Variants in AMIGO1 observed in about 807,000 individuals in gnomAD.
AMIGO1 encodes the protein amphoterin-induced protein 1.
For synonymous variants in AMIGO1, 249 were observed against 266.3 expected, an observed-to-expected ratio of 0.93 and a Z score of 0.63; for missense variants, 361 against 612.3, an observed-to-expected ratio of 0.59 and a Z score of 4.33.
Position 109,507,192 on chromosome 1 carries a change from A to C in AMIGO1, c.*239T>G. 4.1e-6 allele frequency: 2 copies of C among 486,916 alleles called. No homozygotes were observed. The highest frequency in any genetic ancestry group is 3.5e-5 in the East Asian group (1 of 28,930). The allele number at this position is 486,916 out of a possible 1,614,324, so 30.2% of individuals were successfully genotyped here. A position where few individuals can be genotyped will look rare whatever the true frequency, so the allele number is the denominator to read the frequency against. On this transcript the variant is annotated 3_prime_UTR_variant, in exon 2 of 2. Coordinates refer to ENST00000369864, the MANE Select transcript of AMIGO1 (RefSeq NM_020703.4). The surrounding 1 kb of genome is among the most constrained non-coding windows in gnomAD (Gnocchi z 4.7). ...CTTCTCTTCCTCTACCACACTGAGA[A>C]TTGGCAGGGCTTTGGGTACGGGTGT...
In AMIGO1 at chr1:109,505,442, G is replaced by A. The variant is rs1349608242; in HGVS notation, c.*1989C>T. The A allele has an allele frequency of 6.6e-6, 1 of 152,220 alleles. No homozygotes were observed. Among genetic ancestry groups the A allele is most frequent in the Non-Finnish European group, 1.5e-5 (1 of 68,038 alleles). 9.4% of individuals were successfully genotyped at this position (152,220 alleles called of 1,614,324 possible). A position where few individuals can be genotyped will look rare whatever the true frequency, so the allele number is the denominator to read the frequency against. On this transcript the variant is annotated 3_prime_UTR_variant, in exon 2 of 2. Coordinates refer to ENST00000369864, the MANE Select transcript of AMIGO1 (RefSeq NM_020703.4). ...GTGCATGAAGTTGTGCACATTGGTG[G>A]AGACCATTCTGAGAGTATCATTAAT...
rs1377254999 is a variant in AMIGO1 at position 109,505,633 on chromosome 1, A to G, written c.*1798T>C. 1.3e-5 allele frequency: 2 copies of G among 152,224 alleles called. No individual in the cohort carries two copies. The highest frequency in any genetic ancestry group is 2.9e-5 in the Non-Finnish European group (2 of 68,034). 9.4% of individuals were successfully genotyped at this position (152,224 alleles called of 1,614,324 possible). The stretch of plus-strand genomic sequence containing the variant: ...GGATGGACAGCAGTCTTGAGTTCCC[A>G]GGACCAGACAAGGGGAAGATGTTGA... On this transcript the variant is annotated 3_prime_UTR_variant, in exon 2 of 2. Coordinates refer to ENST00000369864, the MANE Select transcript of AMIGO1 (RefSeq NM_020703.4).
Position 109,508,214 on chromosome 1 carries a change from A to C in AMIGO1, c.699T>G (p.Phe233Leu). 6.2e-7 allele frequency: 1 copy of C among 1,614,150 alleles called. No individual in the cohort carries two copies. Among genetic ancestry groups the C allele is most frequent in the Non-Finnish European group, 8.5e-7 (1 of 1,180,042 alleles). ...LNCDCELYQL[F>L]SHWQYRQLSS... The stretch of plus-strand genomic sequence containing the variant: ...TCAGCTGCCGATACTGCCAGTGTGA[A>C]AACAGCTGGTAGAGCTCACAGTCGC... Residue 233 changes from phenylalanine to leucine, a missense_variant, in exon 2 of 2, where the codon TTT becomes TTG. Coordinates refer to ENST00000369864, the MANE Select transcript of AMIGO1 (RefSeq NM_020703.4). This position sits in a 1 kb window ranked among gnomAD's most constrained non-coding sequence, Gnocchi z 7.8.
rs1658083705 is a variant in AMIGO1 at position 109,508,589 on chromosome 1, C to G, written c.324G>C (p.Pro108=). The G allele has an allele frequency of 1.2e-6, 2 of 1,614,054 alleles. No individual in the cohort carries two copies. Among genetic ancestry groups the G allele is most frequent in the South Asian group, 2.2e-5 (2 of 91,068 alleles). Residue 108 remains proline (P), a synonymous_variant, in exon 2 of 2, where the codon CCG becomes CCC. Transcript: ENST00000369864. The surrounding 1 kb of genome is among the most constrained non-coding windows in gnomAD (Gnocchi z 7.8). ...GGTCCAGGTAGCGCAGGTTGGGTAC[C>G]GGGGAAAAGGCCTCAGAGGAGATGA... ...LNFISSEAFS[P]VPNLRYLDLS... is the part of the protein sequence containing the mutation.
Position 109,507,349 on chromosome 1 carries a change from C to CA in AMIGO1, c.*81dup. On this transcript the variant is annotated 3_prime_UTR_variant, in exon 2 of 2. Coordinates refer to ENST00000369864, the MANE Select transcript of AMIGO1 (RefSeq NM_020703.4). This position sits in a 1 kb window ranked among gnomAD's most constrained non-coding sequence, Gnocchi z 4.7. Reference sequence around the variant, plus strand: ...GGAGGAATCCATTCCCTTGGGCAGCCAGCCCTCTCTTCCATCCCCTCATAT... The same window carrying CA: ...GGAGGAATCCATTCCCTTGGGCAGCCAAGCCCTCTCTTCCATCCCCTCATAT... 1 of 1,510,664 alleles carries CA rather than the reference C, an allele frequency of 6.6e-7. No individual in the cohort carries two copies. Among genetic ancestry groups the CA allele is most frequent in the Non-Finnish European group, 8.9e-7 (1 of 1,126,240 alleles). 93.6% of individuals were successfully genotyped at this position (1,510,664 alleles called of 1,614,324 possible). A position where few individuals can be genotyped will look rare whatever the true frequency, so the allele number is the denominator to read the frequency against.
In AMIGO1 at chr1:109,508,223, G is replaced by A. The variant is rs776905187; in HGVS notation, c.690C>T (p.Tyr230=). ...NNPLNCDCEL[Y]QLFSHWQYRQ... is the part of the protein sequence containing the mutation. ...GATACTGCCAGTGTGAAAACAGCTG[G>A]TAGAGCTCACAGTCGCAGTTCAGGG... is the stretch of plus-strand genomic sequence containing the variant. Residue 230 remains tyrosine (Y), a synonymous_variant, in exon 2 of 2, where the codon TAC becomes TAT. Coordinates refer to ENST00000369864, the MANE Select transcript of AMIGO1 (RefSeq NM_020703.4). The surrounding 1 kb of genome is among the most constrained non-coding windows in gnomAD (Gnocchi z 7.8). 13 of 1,614,126 alleles carry A rather than the reference G, an allele frequency of 8.1e-6. No homozygotes were observed. The South Asian group carries it at 1.2e-4, about 15-fold the overall frequency.
chr1:109,507,467 G>T lies in AMIGO1; in HGVS notation c.1446C>A (p.Val482=). Residue 482 remains valine, a synonymous_variant, in exon 2 of 2, where the codon GTC becomes GTA. Coordinates refer to ENST00000369864, the MANE Select transcript of AMIGO1 (RefSeq NM_020703.4). This position sits in a 1 kb window ranked among gnomAD's most constrained non-coding sequence, Gnocchi z 4.7. ...TGGGCGTATCAGAGAAGACCGAGCT[G>T]ACTGATTCTGGATCCGACATCCTCC... The part of the protein sequence containing the change: ...GQRRMSDPES[V]SSVFSDTPIV... 1.2e-6 allele frequency: 2 copies of T among 1,612,736 alleles called. No individual in the cohort carries two copies. The highest frequency in any genetic ancestry group is 2.2e-5 in the South Asian group (2 of 90,904).
rs1658078108 is a variant in AMIGO1, at chr1:109,508,322, C to T, written c.591G>A (p.Leu197=). Residue 197 remains leucine, a synonymous_variant, in exon 2 of 2, where the codon CTG becomes CTA. Coordinates refer to ENST00000369864, the MANE Select transcript of AMIGO1 (RefSeq NM_020703.4). The surrounding 1 kb of genome is among the most constrained non-coding windows in gnomAD (Gnocchi z 7.8). ...GCAGGTCAGGCAATGGCAAGTTCTTCAGCTTGTTAGAAGAGAGATCCAGGA... is the reference window on the plus strand; with the variant it reads ...GCAGGTCAGGCAATGGCAAGTTCTTTAGCTTGTTAGAAGAGAGATCCAGGA... ...LTLLDLSSNK[L]KNLPLPDLQK... 1 of 1,613,944 alleles carries T rather than the reference C, an allele frequency of 6.2e-7. No homozygotes were observed. The highest frequency in any genetic ancestry group is 8.5e-7 in the Non-Finnish European group (1 of 1,179,998).
At position 109,509,009 on chromosome 1, in the gene AMIGO1, A is replaced by C; in HGVS notation, c.-87-10T>G. ...GGGTACGGAAGGGTCACTTGAGAGA[A>C]AGAGGATGGGTTTGTGGTCACCAAG... is the stretch of plus-strand genomic sequence containing the variant. On this transcript the variant is annotated splice_polypyrimidine_tract_variant and intron_variant, in intron 1 of 1. Coordinates refer to ENST00000369864, the MANE Select transcript of AMIGO1 (RefSeq NM_020703.4). 1.2e-5 allele frequency: 17 copies of C among 1,368,928 alleles called. No homozygotes were observed. Among genetic ancestry groups the C allele is most frequent in the Non-Finnish European group, 1.5e-5 (15 of 1,027,232 alleles). The allele number at this position is 1,368,928 out of a possible 1,614,324, so 84.8% of individuals were successfully genotyped here.
At position 109,507,732 on chromosome 1, in the gene AMIGO1, G is replaced by A; in HGVS notation, c.1181C>T (p.Thr394Ile). Residue 394 changes from threonine (T) to isoleucine (I), a missense_variant, in exon 2 of 2, where the codon ACC (threonine) becomes ATC (isoleucine). By Grantham distance (89) the Thr-to-Ile change is moderately conservative. Coordinates refer to ENST00000369864, the MANE Select transcript of AMIGO1 (RefSeq NM_020703.4). This position sits in a 1 kb window ranked among gnomAD's most constrained non-coding sequence, Gnocchi z 4.7. ...VVLVLIYLYL[T>I]PCRCWCRGVE... ...ACCCCGGCACCAGCAGCGGCAAGGG[G>A]TGAGGTATAGGTATATGAGGACCAG... is the stretch of plus-strand genomic sequence containing the variant. The A allele has an allele frequency of 6.2e-7, 1 of 1,614,110 alleles. No homozygotes were observed. Among genetic ancestry groups the A allele is most frequent in the Non-Finnish European group, 8.5e-7 (1 of 1,180,010 alleles).
At position 109,507,237 on chromosome 1, in the gene AMIGO1, A is replaced by T. The variant is rs1450222795; in HGVS notation, c.*194T>A. 1 of 658,744 alleles carries T rather than the reference A, an allele frequency of 1.5e-6. No homozygotes were observed. The highest frequency in any genetic ancestry group is 1.8e-5 in the African/African-American group (1 of 54,976). The allele number at this position is 658,744 out of a possible 1,614,324, so 40.8% of individuals were successfully genotyped here. A position where few individuals can be genotyped will look rare whatever the true frequency, so the allele number is the denominator to read the frequency against. On this transcript the variant is annotated 3_prime_UTR_variant, in exon 2 of 2. Coordinates refer to ENST00000369864, the MANE Select transcript of AMIGO1 (RefSeq NM_020703.4). The surrounding 1 kb of genome is among the most constrained non-coding windows in gnomAD (Gnocchi z 4.7). The stretch of plus-strand genomic sequence containing the variant: ...GGGTGTAGCATTTGCCTGAGGATTA[A>T]TATACCCCCATTTGAAAATCGTGGC...
rs1374373961 is a variant in AMIGO1, at chr1:109,506,952, T to G, written c.*479A>C. 2 of 156,428 alleles carry G rather than the reference T, an allele frequency of 1.3e-5. No homozygotes were observed. The highest frequency in any genetic ancestry group is 4.8e-5 in the African/African-American group (2 of 41,488). 9.7% of individuals were successfully genotyped at this position (156,428 alleles called of 1,614,324 possible). ...AACTTCCCCAGCTGTGAAGTTTGAC[T>G]TGCTAAACAAAGAAGATACTACAGC... On this transcript the variant is annotated 3_prime_UTR_variant, in exon 2 of 2. Transcript: ENST00000369864.
rs1418505494 is a variant in AMIGO1, at chr1:109,507,279, G to C, written c.*152C>G. On this transcript the variant is annotated 3_prime_UTR_variant, in exon 2 of 2. Transcript: ENST00000369864. The surrounding 1 kb of genome is among the most constrained non-coding windows in gnomAD (Gnocchi z 4.7). ...AATCGTGGCAGCCACGCCCTGTTTG[G>C]GGTCTTGCTCTCTGTTGTACCTGGG... 4.6e-6 allele frequency: 5 copies of C among 1,085,508 alleles called. No individual in the cohort carries two copies. The highest frequency in any genetic ancestry group is 6.5e-6 in the Non-Finnish European group (5 of 766,516). The allele number at this position is 1,085,508 out of a possible 1,614,324, so 67.2% of individuals were successfully genotyped here.
Position 109,506,487 on chromosome 1 carries a change from T to C in AMIGO1, c.*944A>G, listed in dbSNP as rs762817141. On this transcript the variant is annotated 3_prime_UTR_variant, in exon 2 of 2. Transcript: ENST00000369864. ...CATAATAGAGGCTGATTTACCTTCATCCTTCTATCGTGAAGTGGGCCCATG... is the reference window on the plus strand; with the variant it reads ...CATAATAGAGGCTGATTTACCTTCACCCTTCTATCGTGAAGTGGGCCCATG... 6.6e-6 allele frequency: 1 copy of C among 152,196 alleles called. No homozygotes were observed. The highest frequency in any genetic ancestry group is 2.1e-4 in the South Asian group (1 of 4,830). 9.4% of individuals were successfully genotyped at this position (152,196 alleles called of 1,614,324 possible).
At position 109,505,540 on chromosome 1, in the gene AMIGO1, C is replaced by T. The variant is rs1206666718; in HGVS notation, c.*1891G>A. 2.0e-5 allele frequency: 3 copies of T among 152,098 alleles called. No individual in the cohort carries two copies. The highest frequency in any genetic ancestry group is 7.2e-5 in the African/African-American group (3 of 41,394). 9.4% of individuals were successfully genotyped at this position (152,098 alleles called of 1,614,324 possible). A position where few individuals can be genotyped will look rare whatever the true frequency, so the allele number is the denominator to read the frequency against. ...CATGCATACCTATAAGCATGCATACCTATGAGCATGCAGGTACTTGAGGGA... is the reference window on the plus strand; with the variant it reads ...CATGCATACCTATAAGCATGCATACTTATGAGCATGCAGGTACTTGAGGGA... On this transcript the variant is annotated 3_prime_UTR_variant, in exon 2 of 2. Coordinates refer to ENST00000369864, the MANE Select transcript of AMIGO1 (RefSeq NM_020703.4).
rs1658075423 is a variant in AMIGO1, at chr1:109,508,221, T to A, written c.692A>T (p.Gln231Leu). Residue 231 changes from glutamine (Q) to leucine (L), a missense_variant, in exon 2 of 2, where the codon CAG becomes CTG. By Grantham distance (113) the Gln-to-Leu change is moderately radical. Coordinates refer to ENST00000369864, the MANE Select transcript of AMIGO1 (RefSeq NM_020703.4). This position sits in a 1 kb window ranked among gnomAD's most constrained non-coding sequence, Gnocchi z 7.8. ...NPLNCDCELY[Q>L]LFSHWQYRQL... Reference sequence around the variant, plus strand: ...CCGATACTGCCAGTGTGAAAACAGCTGGTAGAGCTCACAGTCGCAGTTCAG... The same window carrying A: ...CCGATACTGCCAGTGTGAAAACAGCAGGTAGAGCTCACAGTCGCAGTTCAG... The A allele has an allele frequency of 6.2e-7, 1 of 1,614,102 alleles. No homozygotes were observed. The highest frequency in any genetic ancestry group is 1.7e-5 in the Admixed American group (1 of 60,022).
Position 109,505,825 on chromosome 1 carries a change from C to T in AMIGO1, c.*1606G>A, listed in dbSNP as rs1390240869. 2 of 152,230 alleles carry T rather than the reference C, an allele frequency of 1.3e-5. No homozygotes were observed. The highest frequency in any genetic ancestry group is 1.3e-4 in the Admixed American group (2 of 15,276). 9.4% of individuals were successfully genotyped at this position (152,230 alleles called of 1,614,324 possible). A position where few individuals can be genotyped will look rare whatever the true frequency, so the allele number is the denominator to read the frequency against. On this transcript the variant is annotated 3_prime_UTR_variant, in exon 2 of 2. Transcript: ENST00000369864. ...GGGAGAGAAGAGACCCTAAGAAAAA[C>T]CAACATCAGAGAACATTTTCACCTT...
rs983489370 is a variant in AMIGO1, at chr1:109,507,213, G to A, written c.*218C>T. ...GAGAATTGGCAGGGCTTTGGGTACG[G>A]GTGTAGCATTTGCCTGAGGATTAAT... On this transcript the variant is annotated 3_prime_UTR_variant, in exon 2 of 2. Transcript: ENST00000369864. The surrounding 1 kb of genome is among the most constrained non-coding windows in gnomAD (Gnocchi z 4.7). The A allele has an allele frequency of 3.5e-5, 20 of 565,048 alleles. No individual in the cohort carries two copies. The African/African-American group carries it at 3.7e-4, about 11-fold the overall frequency. 35.0% of individuals were successfully genotyped at this position (565,048 alleles called of 1,614,324 possible).
Position 109,504,654 on chromosome 1 carries a change from A to C in AMIGO1, c.*2777T>G, listed in dbSNP as rs1288301551. ...TGATTATTCAATTCTCCAATTAAAAAGCTACCTTTGGGTTCTATCACCTGA... is the reference window on the plus strand; with the variant it reads ...TGATTATTCAATTCTCCAATTAAAACGCTACCTTTGGGTTCTATCACCTGA... On this transcript the variant is annotated 3_prime_UTR_variant, in exon 2 of 2. Transcript: ENST00000369864. 1 of 152,172 alleles carries C rather than the reference A, an allele frequency of 6.6e-6. No homozygotes were observed. Among genetic ancestry groups the C allele is most frequent in the Non-Finnish European group, 1.5e-5 (1 of 68,046 alleles). The allele number at this position is 152,172 out of a possible 1,614,324, so 9.4% of individuals were successfully genotyped here. A position where few individuals can be genotyped will look rare whatever the true frequency, so the allele number is the denominator to read the frequency against.
Sources: allele counts gnomAD v4.1 joint callset, GRCh38; gene constraint gnomAD v4.1.1; non-coding constraint Gnocchi (gnomAD v3.1); transcripts MANE v1.5; gene names NCBI Gene and HGNC (gene_info 2026-07-23, HGNC 2026-07-21).